ABHD18: variants seen among roughly 807,000 people sequenced by gnomAD.
ABHD18 encodes cardiolipin-specific deacylase, mitochondrial.
ABHD18 carries 55 observed loss-of-function variants against 65.9 expected under a neutral mutation model. The ratio of observed to expected loss-of-function variants is 0.84; its 90% CI spans 0.67 to 1.05. The LOEUF (loss-of-function observed/expected upper bound fraction) is 1.05, where lower values mean the gene tolerates loss of function less well. Among genes scored for constraint, ABHD18 ranks in the 50% least tolerant of loss-of-function variants. ABHD18 has a pLI of 0.00. For synonymous variants in ABHD18, 181 were observed against 180.2 expected, an observed-to-expected ratio of 1.00 and a Z score of -0.04; for missense variants, 533 against 558.5, an observed-to-expected ratio of 0.95 and a Z score of 0.46.
At chr4:127,987,284 G>A (rs527607624) in intron 3 of ABHD18, among the ~76,000 whole-genome samples, 152 of 151,744 alleles carry the variant, frequency 1.0e-3, no homozygotes, top group Non-Finnish European at 1.9e-3. Context: ...CCTGGGAGAC[G>A]GAGGTTGCAG....
Position 128,030,505 on chromosome 4 carries a change from C to T in ABHD18, c.1181-5C>T. 5 of 1,533,578 alleles carry T rather than the reference C, an allele frequency of 3.3e-6. No individual in the cohort carries two copies. The highest frequency in any genetic ancestry group is 8.7e-7 in the Non-Finnish European group (1 of 1,148,942). The allele number at this position is 1,533,578 out of a possible 1,614,324, so 95.0% of individuals were successfully genotyped here. ...ATGTTGAATTTTTAAAAATCCTATA[C>T]CTAGTCCCAGTTGATCCAAGCCTCA... On this transcript the variant is annotated splice_region_variant and splice_polypyrimidine_tract_variant and intron_variant, in intron 11 of 12. Transcript: ENST00000645843.
chr4:128,020,036 G>A (rs1560914084), intron 8 of ABHD18, 44 bp from the exon 9 acceptor site: 3 of 1,272,510 alleles, frequency 2.4e-6, no homozygotes, highest in South Asian at 1.4e-5. Context: ...TTATTTTAAT[G>A]AATAGAAACT....
chr4:127,992,931 C>T (rs983389859), intron 4 of ABHD18, among the ~76,000 whole-genome samples: 3 of 151,854 alleles, frequency 2.0e-5, no homozygotes, highest in Non-Finnish European at 4.4e-5. Flanking sequence ...CCTGTCTCTA[C>T]CAAAAAAATA....
In ABHD18 at chr4:128,039,785, A is replaced by G. The variant is rs1579515924; in HGVS notation, c.*3972A>G. 6.6e-6 allele frequency: 1 copy of G among 152,158 alleles called. No homozygotes were observed. Among genetic ancestry groups the G allele is most frequent in the East Asian group, 1.9e-4 (1 of 5,198 alleles). 9.4% of individuals were successfully genotyped at this position (152,158 alleles called of 1,614,324 possible). On this transcript the variant is annotated 3_prime_UTR_variant, in exon 13 of 13. Transcript: ENST00000645843. ...ATGTCACATTTGATTAATGTACCCA[A>G]ACTTGAACTGAGTGTATATGTTCCC...
chr4:128,038,094 A>G lies in ABHD18; in HGVS notation c.*2281A>G, dbSNP rs1759040343. ...AAAGGAGATTTCATTTGTCACCTCT[A>G]TGCCTCTATCATCTTAATTTTTTAC... On this transcript the variant is annotated 3_prime_UTR_variant, in exon 13 of 13. Coordinates refer to ENST00000645843, the MANE Select transcript of ABHD18 (RefSeq NM_001358451.3). The G allele has an allele frequency of 6.6e-6, 1 of 152,186 alleles. No individual in the cohort carries two copies. Among genetic ancestry groups the G allele is most frequent in the African/African-American group, 2.4e-5 (1 of 41,452 alleles). 9.4% of individuals were successfully genotyped at this position (152,186 alleles called of 1,614,324 possible).
chr4:128,001,836 G>GTTTTT lies in ABHD18; in HGVS notation c.279-7080_279-7079insTTTTT, dbSNP rs1015770046. 5 of 1,301,140 alleles carry GTTTTT rather than the reference G, an allele frequency of 3.8e-6. No homozygotes were observed. In the Admixed American group the frequency reaches 1.4e-4, roughly 37 times the overall value. 80.6% of individuals were successfully genotyped at this position (1,301,140 alleles called of 1,614,324 possible). A position where few individuals can be genotyped will look rare whatever the true frequency, so the allele number is the denominator to read the frequency against. On this transcript the variant is annotated intron_variant, in intron 4 of 12. Transcript: ENST00000645843. ...CCTTAGTGGTTAGATGTTGAGTTTT[G>GTTTTT]TTTTGTTTTGTTTTTTTTTTTAATT...
chr4:128,023,635 C>T (rs1234878452), intron 10 of ABHD18, among the ~76,000 whole-genome samples: 4 of 151,326 alleles, frequency 2.6e-5, no homozygotes, highest in African/African-American at 4.9e-5. Context: ...AATCCCAGCA[C>T]TTTGGGAGGC....
intron 7 of ABHD18, among the ~76,000 whole-genome samples, chr4:128,013,231 G>A (rs1005162914): frequency 1.3e-5 from 2 of 152,034 alleles, no homozygotes; most frequent in Non-Finnish European, 2.9e-5. Context: ...GGTTTACTGG[G>A]ACAAGAGTAG....
rs574956758 is a variant in ABHD18, at chr4:128,009,119, C to T, written c.370C>T (p.Arg124Ter). 8.9e-6 allele frequency: 14 copies of T among 1,570,180 alleles called. No homozygotes were observed. The highest frequency in any genetic ancestry group is 1.4e-5 in the African/African-American group (1 of 72,306). ...AGTGDHHYWR[R>*]RTLMARPMIK... ...TTTCTTTCCTTAGCATTACTGGAGG[C>T]GACGAACACTAATGGCCCGTCCTAT... The change falls in exon 6 of 13, where the codon CGA becomes TGA. Residue 124 changes from arginine (R) to a stop codon, truncating the protein, a stop_gained. Coordinates refer to ENST00000645843, the MANE Select transcript of ABHD18 (RefSeq NM_001358451.3). LOFTEE classifies it high-confidence loss of function.
chr4:127,973,817 C>CAAAAAAAAAAA (rs57170719), intron 1 of ABHD18, among the ~76,000 whole-genome samples: 1 of 16,638 alleles, frequency 6.0e-5, no homozygotes, highest in African/African-American at 1.7e-4. Context: ...TGATGAACAG[C>CAAAAAAAAAAA]AAAAAAAAAA....
At chr4:127,993,515 C>G (rs534812125) in intron 4 of ABHD18, among the ~76,000 whole-genome samples, 7 of 149,548 alleles carry the variant, frequency 4.7e-5, no homozygotes, top group African/African-American at 1.8e-4. Context: ...TTTTCCTTTC[C>G]CCCGTCATTC....
In ABHD18 at chr4:128,037,176, A is replaced by ATCCC. The variant is rs1005443767; in HGVS notation, c.*1364_*1367dup. 8 of 151,746 alleles carry ATCCC rather than the reference A, an allele frequency of 5.3e-5. No individual in the cohort carries two copies. Among genetic ancestry groups the ATCCC allele is most frequent in the African/African-American group, 1.9e-4 (8 of 41,052 alleles). The allele number at this position is 151,746 out of a possible 1,614,324, so 9.4% of individuals were successfully genotyped here. A position where few individuals can be genotyped will look rare whatever the true frequency, so the allele number is the denominator to read the frequency against. ...CCGGGCATGGTGGCAGGCACCTGTA[A>ATCCC]TCCCAGCTACTCGGGAGGCTGAGGC... On this transcript the variant is annotated 3_prime_UTR_variant, in exon 13 of 13. Transcript: ENST00000645843.
intron 12 of ABHD18, among the ~76,000 whole-genome samples, chr4:128,034,434 A>G (rs1758641278): frequency 1.3e-5 from 2 of 152,096 alleles, no homozygotes; most frequent in Non-Finnish European, 2.9e-5. Context: ...TGAGTGGGGC[A>G]GGGTGTCGCA....
intron 4 of ABHD18, among the ~76,000 whole-genome samples, chr4:127,999,038 C>T (rs902297339): frequency 6.6e-6 from 1 of 151,384 alleles, no homozygotes; most frequent in Non-Finnish European, 1.5e-5. Flanking sequence ...TTATTATACG[C>T]AGACTTTCAT....
intron 1 of ABHD18, among the ~76,000 whole-genome samples, chr4:127,975,041 C>CAAAG (rs990323526): frequency 7.0e-6 from 1 of 143,344 alleles, no homozygotes; most frequent in African/African-American, 2.6e-5. Flanking sequence ...TGCTTACTGA[C>CAAAG]AAAGTTGTCA....
At chr4:127,986,551 A>G (rs1471265518) in intron 3 of ABHD18, among the ~76,000 whole-genome samples, 2 of 152,218 alleles carry the variant, frequency 1.3e-5, no homozygotes, top group African/African-American at 4.8e-5. Flanking sequence ...TTGTGTGAAC[A>G]TGTTTTTAGT....
intron 10 of ABHD18, among the ~76,000 whole-genome samples, chr4:128,025,582 A>T (rs1757220798): frequency 6.6e-6 from 1 of 152,220 alleles, no homozygotes; most frequent in Admixed American, 6.5e-5. Context: ...TTTTGCTATT[A>T]ATAAACAGTG....
At chr4:127,987,817 A>G (rs964524100) in intron 3 of ABHD18, among the ~76,000 whole-genome samples, 4 of 152,184 alleles carry the variant, frequency 2.6e-5, no homozygotes, top group Non-Finnish European at 4.4e-5. Flanking sequence ...TCAGTTTTAT[A>G]GAGATATTAT....
chr4:127,965,484 T>C lies in ABHD18; in HGVS notation c.-140T>C, dbSNP rs1221282630. On this transcript the variant is annotated 5_prime_UTR_variant, in exon 1 of 13. Transcript: ENST00000645843. ...CCGCTGTATCTAGCATTTCGGTTCC[T>C]GGAAAGGTTACCGGAGCTGCGATTG... is the stretch of plus-strand genomic sequence containing the variant. The C allele has an allele frequency of 4.9e-6, 2 of 412,154 alleles. No individual in the cohort carries two copies. 25.5% of individuals were successfully genotyped at this position (412,154 alleles called of 1,614,324 possible).
Sources: gnomAD v4.1 joint callset for allele counts (sites outside exome capture counted in the v4.1 genomes callset) on GRCh38, gnomAD v4.1.1 for gene constraint, MANE v1.5 for transcripts, NCBI Gene and HGNC (gene_info 2026-07-23, HGNC 2026-07-21) for gene names.